DLGAP1: variants seen among roughly 807,000 people sequenced by gnomAD.
DLGAP1 encodes the protein disks large-associated protein 1.
DLGAP1 carries 11 observed loss-of-function variants against 90.8 expected under a neutral mutation model. The observed-to-expected ratio is 0.12, with a 90% CI of 0.08 to 0.20. The LOEUF (loss-of-function observed/expected upper bound fraction) is 0.20. DLGAP1 is among the 10% of genes least tolerant of loss of function. The pLI, the probability that DLGAP1 is intolerant of heterozygous loss-of-function variation, is 1.00. For synonymous variants in DLGAP1, 558 were observed against 540.7 expected (o/e 1.03, Z -0.44); for missense variants, 1,050 against 1,333.8 (o/e 0.79, Z 3.31).
intron 4 of DLGAP1, among the ~76,000 whole-genome samples, chr18:3,872,818 T>C (rs1312764426): frequency 2.0e-5 from 3 of 152,170 alleles, no homozygotes; most frequent in Non-Finnish European, 4.4e-5. Flanking sequence ...AACTGTCTTC[T>C]GAGGAGAATG....
At chr18:3,530,600 GA>G (rs1783362684) in intron 10 of DLGAP1, among the ~76,000 whole-genome samples, 1 of 152,136 alleles carries the variant, frequency 6.6e-6, no homozygotes, top group Non-Finnish European at 1.5e-5. Context: ...GATAAACTGT[GA>G]GTATGTCCAC....
rs530283115 is a variant in DLGAP1 at position 4,077,938 on chromosome 18, G to C, written c.-158-72737C>G. 1.1e-3 allele frequency among the ~76,000 whole-genome samples: 160 copies of C among 152,272 alleles called. 6 individuals are homozygous for C. In the South Asian group the frequency reaches 0.032, roughly 30 times the overall value. ...ATAGAAAGTGCCAGTTTGCTTCATA[G>C]GAATTTAAACAGGCTGTGTAAATAG... On this transcript the variant is annotated intron_variant, in intron 2 of 12. Coordinates refer to ENST00000315677, the MANE Select transcript of DLGAP1 (RefSeq NM_004746.4).
chr18:4,040,309 C>T (rs1360544311), intron 2 of DLGAP1, among the ~76,000 whole-genome samples: 2 of 152,184 alleles, frequency 1.3e-5, no homozygotes, highest in Non-Finnish European at 2.9e-5. Context: ...CGCTAGTATA[C>T]CAGTGAACAC....
At chr18:4,129,124 A>G (rs956202807) in intron 2 of DLGAP1, among the ~76,000 whole-genome samples, 2 of 152,192 alleles carry the variant, frequency 1.3e-5, no homozygotes, top group Non-Finnish European at 2.9e-5. Flanking sequence ...TATTAAAATC[A>G]TAATAGAGGG....
chr18:4,087,952 G>T (rs529804238), intron 2 of DLGAP1, among the ~76,000 whole-genome samples: 310 of 151,660 alleles, frequency 2.0e-3, no homozygotes, highest in Middle Eastern at 6.9e-3. Context: ...TCTAACATCT[G>T]GCTAGCTGTC....
chr18:4,178,069 C>T (rs981302505), intron 1 of DLGAP1, among the ~76,000 whole-genome samples: 6 of 152,242 alleles, frequency 3.9e-5, no homozygotes, highest in East Asian at 1.9e-4. Flanking sequence ...ACACCATCCA[C>T]GTGACTTCCA....
chr18:3,816,218 C>T lies in DLGAP1; in HGVS notation c.958-1945G>A, dbSNP rs542443718. On this transcript the variant is annotated intron_variant, in intron 4 of 12. Coordinates refer to ENST00000315677, the MANE Select transcript of DLGAP1 (RefSeq NM_004746.4). ...CTTGCCAAAGGACACACAGCTAAAA[C>T]GGCAGCACTAGGGTTCGAGGTGTTT... 5.1e-4 allele frequency among the ~76,000 whole-genome samples: 78 copies of T among 152,212 alleles called. 3 individuals carry two copies. In the South Asian group the frequency reaches 0.014, roughly 27 times the overall value.
At chr18:3,989,089 T>G (rs1490704462) in intron 3 of DLGAP1, among the ~76,000 whole-genome samples, 1 of 152,156 alleles carries the variant, frequency 6.6e-6, no homozygotes, top group Non-Finnish European at 1.5e-5. Flanking sequence ...TGCTTCTCCC[T>G]CCCAGGACCC....
At chr18:4,011,324 G>C (rs2074416783) in intron 2 of DLGAP1, among the ~76,000 whole-genome samples, 1 of 152,102 alleles carries the variant, frequency 6.6e-6, no homozygotes. Context: ...GGGGGGTGCA[G>C]CCAGGCTTTT....
At chr18:3,734,451 T>C (rs2062563868) in intron 6 of DLGAP1, among the ~76,000 whole-genome samples, 1 of 150,640 alleles carries the variant, frequency 6.6e-6, no homozygotes, top group Admixed American at 6.6e-5. Context: ...TTTCCTTCCT[T>C]TCTAGTTCCT....
At chr18:4,233,556 ATGT>A (rs946721064) in intron 1 of DLGAP1, among the ~76,000 whole-genome samples, 2 of 152,112 alleles carry the variant, frequency 1.3e-5, no homozygotes, top group Non-Finnish European at 2.9e-5. Context: ...CCTGGTTACG[ATGT>A]TGTATGCTGG....
At chr18:4,248,753 A>G (rs1387677127) in intron 1 of DLGAP1, 1 of 152,370 alleles carries the variant, frequency 6.6e-6, no homozygotes, top group African/African-American at 2.4e-5. Flanking sequence ...TTAAAAAGTC[A>G]GTCGAATCAC....
At chr18:3,603,493 GACAGATC>G (rs1282944848) in intron 7 of DLGAP1, 2 of 152,250 alleles carry the variant, frequency 1.3e-5, no homozygotes, top group East Asian at 3.9e-4. Flanking sequence ...CAGGATTGCC[GACAGATC>G]AGGCCCACGT....
chr18:3,850,348 T>C (rs941050181), intron 4 of DLGAP1, among the ~76,000 whole-genome samples: 2 of 151,774 alleles, frequency 1.3e-5, no homozygotes, highest in African/African-American at 4.8e-5. Flanking sequence ...GCTGAGATTG[T>C]GTCACTGCAC....
chr18:4,282,627 C>T (rs1242307277), intron 1 of DLGAP1, among the ~76,000 whole-genome samples: 1 of 152,082 alleles, frequency 6.6e-6, no homozygotes, highest in Non-Finnish European at 1.5e-5. Flanking sequence ...TGCTTTAGAT[C>T]TGAAAAGAAG....
intron 1 of DLGAP1, among the ~76,000 whole-genome samples, chr18:4,172,635 C>T (rs1387961386): frequency 1.3e-5 from 2 of 152,118 alleles, no homozygotes; most frequent in East Asian, 3.9e-4. Flanking sequence ...AACTGGTGAA[C>T]ATAAGGGTGC....
chr18:3,777,928 AGT>A (rs1032314579), intron 5 of DLGAP1, among the ~76,000 whole-genome samples: 2 of 152,064 alleles, frequency 1.3e-5, no homozygotes, highest in African/African-American at 2.4e-5. Flanking sequence ...GGGGATGTGT[AGT>A]GTGTGTGTGT....
chr18:3,618,603 T>C (rs1017635459), intron 7 of DLGAP1, among the ~76,000 whole-genome samples: 3 of 14,050 alleles, frequency 2.1e-4, no homozygotes, highest in African/African-American at 1.0e-3. Context: ...TTCTTTGACC[T>C]TTTCTGCCTT....
Position 3,499,387 on chromosome 18 carries a change from C to T in DLGAP1, c.2732G>A (p.Arg911Lys). 3 of 1,549,416 alleles carry T rather than the reference C, an allele frequency of 1.9e-6. No homozygotes were observed. The highest frequency in any genetic ancestry group is 2.6e-6 in the Non-Finnish European group (3 of 1,146,702). ...QMDPLDKKER[R>K]APPPVPKKPA... ...CTTCTTTGGCACTGGAGGAGGGGCCCTTCTCTCCTGATCAAAGCAGAAGGT... is the reference window on the plus strand; with the variant it reads ...CTTCTTTGGCACTGGAGGAGGGGCCTTTCTCTCCTGATCAAAGCAGAAGGT... The change falls in exon 13 of 13, where the codon AGG (arginine) becomes AAG (lysine). Residue 911 changes from arginine (R) to lysine (K), a missense_variant. By Grantham distance (26) the Arg-to-Lys change is conservative. This residue lies in a region of DLGAP1 where 565 missense variants were observed against 879.7 expected (regional missense o/e 0.64). Coordinates refer to ENST00000315677, the MANE Select transcript of DLGAP1 (RefSeq NM_004746.4). The surrounding 1 kb of genome is among the most constrained non-coding windows in gnomAD (Gnocchi z 6.4).
Sources: gnomAD v4.1 joint callset for allele counts (sites outside exome capture counted in the v4.1 genomes callset) on GRCh38, gnomAD v4.1.1 for gene constraint, gnomAD v4.1.1 regional missense constraint, Gnocchi (gnomAD v3.1) non-coding constraint, MANE v1.5 for transcripts, NCBI Gene and HGNC (gene_info 2026-07-23, HGNC 2026-07-21) for gene names.